The following UTRN variants were observed in gnomAD, a reference collection of about 807,000 sequenced individuals.
UTRN encodes the protein utrophin.
A neutral mutation model predicts 463.9 loss-of-function variants in UTRN; 283 were observed. The ratio of observed to expected loss-of-function variants is 0.61; its 90% CI spans 0.55 to 0.67. UTRN has a LOEUF of 0.67. Among genes scored for constraint, UTRN ranks in the 30% least tolerant of loss-of-function variants. UTRN has a pLI of 0.00. For synonymous variants in UTRN, 1,442 were observed against 1,431.5 expected (o/e 1.01, Z -0.17); for missense variants, 3,922 against 4,084.3 (o/e 0.96, Z 1.08).
At chr6:144,483,606 C>G (rs1792115258) in intron 27 of UTRN, among the ~76,000 whole-genome samples, 1 of 152,106 alleles carries the variant, frequency 6.6e-6, no homozygotes, top group Non-Finnish European at 1.5e-5. Flanking sequence ...CCACACCTGG[C>G]TAATTATTTT....
intron 39 of UTRN, 29 bp from the exon 40 acceptor site, chr6:144,521,951 A>G: frequency 8.3e-7 from 1 of 1,207,076 alleles, no homozygotes; most frequent in South Asian, 2.2e-5. Context: ...ATATATATAT[A>G]TATATTTTTT....
Position 144,843,766 on chromosome 6 carries a change from C to A in UTRN, c.10270+2934C>A, listed in dbSNP as rs140575908. ...GCTTGAGTCACATTCGTCAAAAACT[C>A]AAAACCTACTGAAATGCAATGATTT... On this transcript the variant is annotated intron_variant, in intron 73 of 74. Coordinates refer to ENST00000367545, the MANE Select transcript of UTRN (RefSeq NM_007124.3). Among the ~76,000 whole-genome samples, 57 of 152,312 alleles carry A rather than the reference C, an allele frequency of 3.7e-4. No homozygotes were observed. The East Asian group carries it at 0.011, about 29-fold the overall frequency.
chr6:144,372,071 G>A lies in UTRN; in HGVS notation c.80-31052G>A, dbSNP rs368474667. Among the ~76,000 whole-genome samples, 8 of 152,366 alleles carry A rather than the reference G, an allele frequency of 5.3e-5. 2 individuals carry two copies. Among genetic ancestry groups the A allele is most frequent in the African/African-American group, 1.9e-4 (8 of 41,590 alleles). On this transcript the variant is annotated intron_variant, in intron 2 of 74. Transcript: ENST00000367545. ...TTTTGCCTTCCTTTTAAGGCTGAAT[G>A]TGCTTTATTTTAAGCCACTCTTCCT... is the stretch of plus-strand genomic sequence containing the variant.
At chr6:144,542,581 A>T (rs1487457521) in intron 45 of UTRN, among the ~76,000 whole-genome samples, 1 of 152,204 alleles carries the variant, frequency 6.6e-6, no homozygotes, top group African/African-American at 2.4e-5. Flanking sequence ...GGGTCAGGAC[A>T]GCTAAGGACT....
chr6:144,362,305 ACCAC>A (rs1225326131), intron 2 of UTRN, among the ~76,000 whole-genome samples: 1 of 152,108 alleles, frequency 6.6e-6, no homozygotes, highest in Non-Finnish European at 1.5e-5. Flanking sequence ...ACCTGTGCAC[ACCAC>A]CCCCCATCTG....
At position 144,840,831 on chromosome 6, in the gene UTRN, C is replaced by A; in HGVS notation, c.10269C>A (p.Cys3423Ter). ...TTCACAGCACGTTTCCATCTTGCTG[C>A]CGTGAGTATGAAAGATTGCAGCACC... ...EQIHSTFPSC[C>*]PNVPSRPQAM The change falls in exon 73 of 75, where the codon TGC (cysteine) becomes TGA (stop). Residue 3423 changes from cysteine to a stop codon, truncating the protein, a stop_gained and splice_region_variant. Transcript: ENST00000367545. LOFTEE classifies it high-confidence loss of function. 2.5e-6 allele frequency: 4 copies of A among 1,613,898 alleles called. No individual in the cohort carries two copies. Among genetic ancestry groups the A allele is most frequent in the African/African-American group, 1.3e-5 (1 of 75,044 alleles).
intron 16 of UTRN, among the ~76,000 whole-genome samples, chr6:144,448,041 T>C (rs1787866955): frequency 6.6e-6 from 1 of 152,192 alleles, no homozygotes; most frequent in South Asian, 2.1e-4. Context: ...AGTAATCTTA[T>C]TAATCTTAAA....
chr6:144,684,089 G>T (rs185339410), intron 52 of UTRN, among the ~76,000 whole-genome samples: 121 of 142,394 alleles, frequency 8.5e-4, no homozygotes, highest in African/African-American at 2.9e-3. Context: ...TTGCTCTGTC[G>T]CCCAGGCTGG....
In UTRN at chr6:144,424,002, TA is replaced by T; in HGVS notation, c.330del (p.Ile110MetfsTer13). 1 of 1,614,150 alleles carries T rather than the reference TA, an allele frequency of 6.2e-7. No individual in the cohort carries two copies. The highest frequency in any genetic ancestry group is 8.5e-7 in the Non-Finnish European group (1 of 1,180,028). On this transcript the variant is annotated frameshift_variant, in exon 6 of 75. Coordinates refer to ENST00000367545, the MANE Select transcript of UTRN (RefSeq NM_007124.3). LOFTEE classifies it high-confidence loss of function. ...TCTTAATAGGTGGAATTAGTGAATA[TA>T]GGGGGAACTGACATTGTGGATGGAA... ...LHQNNVELVN[I>X]GGTDIVDGNH...
intron 51 of UTRN, among the ~76,000 whole-genome samples, chr6:144,657,930 C>A (rs1013354343): frequency 6.6e-6 from 1 of 151,844 alleles, no homozygotes; most frequent in Non-Finnish European, 1.5e-5. Flanking sequence ...CTGGTGGTTT[C>A]TTTTGTCTTG....
intron 51 of UTRN, among the ~76,000 whole-genome samples, chr6:144,670,907 T>G (rs1780944579): frequency 6.6e-6 from 1 of 152,130 alleles, no homozygotes; most frequent in Non-Finnish European, 1.5e-5. Flanking sequence ...TTCCCCACTT[T>G]ATGCTTGTGT....
chr6:144,831,437 G>A (rs1473681212), intron 69 of UTRN, among the ~76,000 whole-genome samples: 1 of 152,058 alleles, frequency 6.6e-6, no homozygotes, highest in Non-Finnish European at 1.5e-5. Context: ...AGGAATGCAG[G>A]TGACCTCAAG....
chr6:144,849,848 C>T (rs561788558), intron 74 of UTRN, among the ~76,000 whole-genome samples: 2 of 152,278 alleles, frequency 1.3e-5, no homozygotes, highest in African/African-American at 4.8e-5. Context: ...CATGAATCAG[C>T]GCCAGAGTTT....
chr6:144,331,090 C>A, intron 2 of UTRN: 3 of 892,534 alleles, frequency 3.4e-6, no homozygotes, highest in Non-Finnish European at 2.7e-6. Context: ...CGAGGCATGA[C>A]TCTCCGCCAA....
intron 2 of UTRN, among the ~76,000 whole-genome samples, chr6:144,373,284 C>T (rs759928505): frequency 7.9e-5 from 12 of 152,202 alleles, no homozygotes; most frequent in Admixed American, 4.6e-4. Context: ...CATCAGCCGA[C>T]GAATGGATCA....
chr6:144,433,336 C>T (rs1479995482), intron 9 of UTRN, among the ~76,000 whole-genome samples: 9 of 150,610 alleles, frequency 6.0e-5, no homozygotes, highest in East Asian at 2.0e-4. Flanking sequence ...ACCTCCCTCC[C>T]GGACGGGGCG....
At chr6:144,840,143 G>T (rs992963375) in intron 72 of UTRN, among the ~76,000 whole-genome samples, 1 of 151,790 alleles carries the variant, frequency 6.6e-6, no homozygotes, top group East Asian at 1.9e-4. Flanking sequence ...AGCCGAGATC[G>T]CACCAATGCA....
In UTRN at chr6:144,820,883, C is replaced by T. The variant is rs527752741; in HGVS notation, c.9359C>T (p.Thr3120Ile). ...GTGTAATTGTTTTCAACCTTATAGA[C>T]AACATCTGGGGAAGATGTACGAGAC... ...HYPMVEYCIP[T>I]TSGEDVRDFT... The change falls in exon 66 of 75, where the codon ACA (threonine) becomes ATA (isoleucine). Residue 3120 changes from threonine to isoleucine, a missense_variant and splice_region_variant. Physicochemically the swap from Thr to Ile is moderately conservative, Grantham distance 89. Coordinates refer to ENST00000367545, the MANE Select transcript of UTRN (RefSeq NM_007124.3). 6.2e-7 allele frequency: 1 copy of T among 1,612,328 alleles called. No individual in the cohort carries two copies. The highest frequency in any genetic ancestry group is 8.5e-7 in the Non-Finnish European group (1 of 1,179,264).
chr6:144,611,814 T>TA (rs1805557769), intron 51 of UTRN, among the ~76,000 whole-genome samples: 1 of 152,212 alleles, frequency 6.6e-6, no homozygotes, highest in Non-Finnish European at 1.5e-5. Context: ...CAATCTTTGT[T>TA]AAAATTCCAG....
Sources: allele counts gnomAD v4.1 joint callset (sites outside exome capture counted in the v4.1 genomes callset), GRCh38; gene constraint gnomAD v4.1.1; transcripts MANE v1.5; gene names NCBI Gene and HGNC (gene_info 2026-07-23, HGNC 2026-07-21).